PLCB1: variants seen among roughly 807,000 people sequenced by gnomAD.
The protein encoded by PLCB1 is phospholipase C beta 1.
PLCB1 carries 46 observed loss-of-function variants against 161.8 expected under a neutral mutation model. The observed-to-expected ratio is 0.28, with a 90% CI of 0.22 to 0.36. PLCB1 has a LOEUF of 0.36. PLCB1 is among the 10% of genes least tolerant of loss of function. The pLI, the probability that PLCB1 is intolerant of heterozygous loss-of-function variation, is 1.00. For missense variants in PLCB1, 1,016 were observed against 1,472.5 expected (o/e 0.69, Z 5.07); for synonymous variants, 517 against 503.7 (o/e 1.03, Z -0.35).
rs1041618038 is a variant in PLCB1, at chr20:8,444,762, C to T, written c.246+73312C>T. ...CATTCTAACTAGTGTGAGATGGTAT[C>T]TCATTGTGGTTTTGATTTGCATTTC... On this transcript the variant is annotated intron_variant, in intron 3 of 31. Transcript: ENST00000338037. 1.1e-3 allele frequency among the ~76,000 whole-genome samples: 172 copies of T among 152,268 alleles called. 1 individual carries two copies. The highest frequency in any genetic ancestry group is 3.4e-3 in the Middle Eastern group (1 of 294).
intron 3 of PLCB1, among the ~76,000 whole-genome samples, chr20:8,469,675 C>T (rs1037327542): frequency 6.6e-6 from 1 of 152,022 alleles, no homozygotes; most frequent in Admixed American, 6.6e-5. Flanking sequence ...AAAAGCTTTC[C>T]ATTTTTTCCA....
intron 3 of PLCB1, among the ~76,000 whole-genome samples, chr20:8,375,160 A>G (rs1600353698): frequency 6.6e-6 from 1 of 152,216 alleles, no homozygotes; most frequent in Non-Finnish European, 1.5e-5. Flanking sequence ...TGTAATAACC[A>G]AAAGAAAAAC....
chr20:8,576,701 C>T (rs1465974901), intron 3 of PLCB1, among the ~76,000 whole-genome samples: 1 of 152,280 alleles, frequency 6.6e-6, no homozygotes, highest in East Asian at 1.9e-4. Flanking sequence ...TGGAATCTCT[C>T]CTAGTAGTAT....
chr20:8,744,257 G>A (rs1981033000), intron 23 of PLCB1, among the ~76,000 whole-genome samples: 1 of 152,134 alleles, frequency 6.6e-6, no homozygotes, highest in South Asian at 2.1e-4. Context: ...GCATTTTCAA[G>A]TGAAATTACA....
At chr20:8,768,000 T>C (rs2327086) in intron 26 of PLCB1, among the ~76,000 whole-genome samples, 35,664 of 151,842 alleles carry the variant, frequency 0.23, 4,964 homozygotes, top group Non-Finnish European at 0.32. Context: ...TGAAACCCCA[T>C]CTCTACTAAA....
At chr20:8,823,337 A>G (rs6056172) in intron 31 of PLCB1, among the ~76,000 whole-genome samples, 4,027 of 152,178 alleles carry the variant, frequency 0.026, 168 homozygotes, top group African/African-American at 0.092. Flanking sequence ...TGGCCAGGCT[A>G]GTCTGAAACT....
chr20:8,662,160 T>TTACATAAGTATA (rs1989668808), intron 9 of PLCB1, among the ~76,000 whole-genome samples: 1 of 56,756 alleles, frequency 1.8e-5, no homozygotes, highest in Non-Finnish European at 3.5e-5. Flanking sequence ...TAATTATTTA[T>TTACATAAGTATA]TATCTAATTC....
intron 3 of PLCB1, among the ~76,000 whole-genome samples, chr20:8,411,518 CT>C (rs1194967125): frequency 6.6e-6 from 1 of 152,034 alleles, no homozygotes; most frequent in East Asian, 1.9e-4. Context: ...TAAATTCATT[CT>C]TTTAGTCTTT....
chr20:8,505,227 C>T (rs1331003486), intron 3 of PLCB1, among the ~76,000 whole-genome samples: 3 of 152,142 alleles, frequency 2.0e-5, no homozygotes, highest in African/African-American at 7.2e-5. Context: ...AATGGCAATT[C>T]TTTTTACCCC....
intron 31 of PLCB1, chr20:8,792,478 T>C (rs1983806585): frequency 2.1e-6 from 1 of 465,218 alleles, no homozygotes; most frequent in Non-Finnish European, 4.4e-6. Flanking sequence ...GTTACAGCCA[T>C]GTTTATAACA....
At chr20:8,700,985 G>A (rs1243808470) in intron 11 of PLCB1, among the ~76,000 whole-genome samples, 1 of 152,204 alleles carries the variant, frequency 6.6e-6, no homozygotes, top group East Asian at 1.9e-4. Context: ...AGACAAGTAA[G>A]TCTCCTAGCA....
At chr20:8,328,030 C>G (rs1985225558) in intron 2 of PLCB1, among the ~76,000 whole-genome samples, 1 of 151,900 alleles carries the variant, frequency 6.6e-6, no homozygotes, top group Non-Finnish European at 1.5e-5. Flanking sequence ...ATCTGAAATG[C>G]TTGGGGCCAG....
At chr20:8,176,084 T>C (rs1230171326) in intron 2 of PLCB1, among the ~76,000 whole-genome samples, 1 of 152,188 alleles carries the variant, frequency 6.6e-6, no homozygotes, top group Admixed American at 6.5e-5. Context: ...GTCTGGCAGT[T>C]TCTTATAAAA....
intron 3 of PLCB1, among the ~76,000 whole-genome samples, chr20:8,580,171 T>C (rs1010618339): frequency 4.6e-5 from 7 of 152,192 alleles, no homozygotes; most frequent in African/African-American, 1.7e-4. Flanking sequence ...GGGGCAGTGC[T>C]TCCAGTGTCA....
chr20:8,209,532 AC>A (rs1208621481), intron 2 of PLCB1, among the ~76,000 whole-genome samples: 4 of 152,100 alleles, frequency 2.6e-5, no homozygotes, highest in Non-Finnish European at 4.4e-5. Flanking sequence ...ATTTCCTTAA[AC>A]TTATTTGTTT....
intron 10 of PLCB1, among the ~76,000 whole-genome samples, chr20:8,696,783 G>A (rs1401306099): frequency 6.6e-6 from 1 of 151,862 alleles, no homozygotes; most frequent in Non-Finnish European, 1.5e-5. Context: ...GCCCAGGCTG[G>A]AGTGCAATGG....
At chr20:8,764,414 A>C (rs541848846) in intron 25 of PLCB1, among the ~76,000 whole-genome samples, 1 of 152,174 alleles carries the variant, frequency 6.6e-6, no homozygotes, top group African/African-American at 2.4e-5. Context: ...ACTGAGTTAA[A>C]TACTTTCCAT....
intron 31 of PLCB1, among the ~76,000 whole-genome samples, chr20:8,820,525 G>A (rs1051310294): frequency 1.3e-5 from 2 of 152,102 alleles, no homozygotes; most frequent in Non-Finnish European, 2.9e-5. Flanking sequence ...ACTGTAAACT[G>A]CAGGTGGGAG....
rs144755545 is a variant in PLCB1, at chr20:8,324,401, T to C, written c.178-46981T>C. Among the ~76,000 whole-genome samples the C allele has an allele frequency of 5.9e-4, 90 of 152,308 alleles. 1 individual carries two copies. Among genetic ancestry groups the C allele is most frequent in the Middle Eastern group, 3.4e-3 (1 of 294 alleles). On this transcript the variant is annotated intron_variant, in intron 2 of 31. Coordinates refer to ENST00000338037, the MANE Select transcript of PLCB1 (RefSeq NM_015192.4). Reference sequence around the variant, plus strand: ...TCAATCCAAAGGAAATTATAAACAATAGGCTTTGTATAGAGAGAGTAGGTG... The same window carrying C: ...TCAATCCAAAGGAAATTATAAACAACAGGCTTTGTATAGAGAGAGTAGGTG...
Sources: allele counts gnomAD v4.1 joint callset (sites outside exome capture counted in the v4.1 genomes callset), GRCh38; gene constraint gnomAD v4.1.1; transcripts MANE v1.5; gene names NCBI Gene and HGNC (gene_info 2026-07-23, HGNC 2026-07-21).